BAZ1B: variants seen among roughly 807,000 people sequenced by gnomAD.
BAZ1B encodes bromodomain adjacent to zinc finger domain 1B, also known as tyrosine-protein kinase BAZ1B.
In BAZ1B, 22 loss-of-function variants were observed where a neutral mutation model predicts 153.8. That is an observed-to-expected ratio of 0.14 (90% CI 0.10 to 0.20). The LOEUF (loss-of-function observed/expected upper bound fraction) is 0.20. Among genes scored for constraint, BAZ1B ranks in the 10% least tolerant of loss-of-function variants. The probability of loss-of-function intolerance (pLI) is 1.00; values close to 1 mark genes in which losing one functional copy is unlikely to be tolerated. For synonymous variants in BAZ1B, 676 were observed against 633.4 expected (o/e 1.07, Z -1.01); for missense variants, 1,325 against 1,799.3 (o/e 0.74, Z 4.77).
chr7:73,467,548 T>C (rs1788641796), intron 9 of BAZ1B, among the ~76,000 whole-genome samples: 1 of 152,014 alleles, frequency 6.6e-6, no homozygotes, highest in African/African-American at 2.4e-5. Flanking sequence ...TTTTGTGTTT[T>C]TTGTAGAGAC....
At chr7:73,476,679 C>A (rs1287980123) in intron 7 of BAZ1B, among the ~76,000 whole-genome samples, 189 bp downstream of exon 7, 1 of 152,108 alleles carries the variant, frequency 6.6e-6, no homozygotes, top group Non-Finnish European at 1.5e-5. Context: ...GAATGCCAGG[C>A]TGAACACTCC....
In BAZ1B at chr7:73,492,916, T is replaced by C; in HGVS notation, c.577A>G (p.Arg193Gly). The change falls in exon 5 of 20, where the codon AGA (arginine) becomes GGA (glycine). Residue 193 changes from arginine (R) to glycine (G), a missense_variant. Around this residue, in one of 9 missense-constraint regions of BAZ1B, gnomAD observed 153 missense variants for 204.8 expected, o/e 0.75. Transcript: ENST00000339594. ...DEGRRESIND[R>G]ARRSPRKLPT... is the part of the protein sequence containing the mutation. ...AGTTTTCGTGGCGATCTACGTGCTCTGTCATCTAGTCAAATCATAGAAAAT... is the reference window on the plus strand; with the variant it reads ...AGTTTTCGTGGCGATCTACGTGCTCCGTCATCTAGTCAAATCATAGAAAAT... 6.3e-7 allele frequency: 1 copy of C among 1,595,972 alleles called. No homozygotes were observed. The highest frequency in any genetic ancestry group is 8.5e-7 in the Non-Finnish European group (1 of 1,175,374).
Position 73,494,010 on chromosome 7 carries a change from T to C in BAZ1B, c.572-1089A>G, listed in dbSNP as rs150123862. 1.8e-4 allele frequency among the ~76,000 whole-genome samples: 28 copies of C among 152,176 alleles called. No individual in the cohort carries two copies. The East Asian group carries it at 4.6e-3, about 25-fold the overall frequency. The stretch of plus-strand genomic sequence containing the variant: ...GGCCTTGTATACCATTTAAAGAGAT[T>C]AGAATTTGTCTTGCTAGCACTAGAG... On this transcript the variant is annotated intron_variant, in intron 4 of 19. Coordinates refer to ENST00000339594, the MANE Select transcript of BAZ1B (RefSeq NM_032408.4).
chr7:73,498,870 T>G (rs974798146), intron 3 of BAZ1B, among the ~76,000 whole-genome samples, 172 bp from the exon 4 acceptor site: 6 of 152,154 alleles, frequency 3.9e-5, no homozygotes, highest in African/African-American at 1.4e-4. Flanking sequence ...GACTTCTAGG[T>G]TGAAATATGA....
intron 4 of BAZ1B, among the ~76,000 whole-genome samples, chr7:73,496,524 G>A (rs1300696292): frequency 2.6e-5 from 4 of 152,122 alleles, no homozygotes; most frequent in Non-Finnish European, 4.4e-5. Flanking sequence ...ATACTCATGC[G>A]GAGGGAGACC....
chr7:73,476,443 C>T (rs1789004047), intron 7 of BAZ1B, among the ~76,000 whole-genome samples: 1 of 151,954 alleles, frequency 6.6e-6, no homozygotes, highest in Admixed American at 6.6e-5. Flanking sequence ...CTTCAAATAC[C>T]TTGTCAATCA....
chr7:73,508,180 C>A lies in BAZ1B; in HGVS notation c.369+147G>T, dbSNP rs1554578074. On this transcript the variant is annotated intron_variant, in intron 3 of 19. Transcript: ENST00000339594. ...AAAAAAACAAAACCAAGAAAACACACAAGTATTAACGTAAAGTATTAATAC... is the reference window on the plus strand; with the variant it reads ...AAAAAAACAAAACCAAGAAAACACAAAAGTATTAACGTAAAGTATTAATAC... 4 of 850,826 alleles carry A rather than the reference C, an allele frequency of 4.7e-6. No individual in the cohort carries two copies. In the East Asian group the frequency reaches 1.3e-4, roughly 27 times the overall value. The allele number at this position is 850,826 out of a possible 1,614,324, so 52.7% of individuals were successfully genotyped here.
chr7:73,508,221 ATAC>A (rs1790424299), intron 3 of BAZ1B, 103 bp downstream of exon 3: 1 of 1,208,686 alleles, frequency 8.3e-7, no homozygotes, highest in Non-Finnish European at 1.1e-6. Flanking sequence ...ATTAAATATA[ATAC>A]TAAATATAAC....
chr7:73,460,351 G>A (rs570984394), intron 12 of BAZ1B, among the ~76,000 whole-genome samples: 6 of 152,080 alleles, frequency 3.9e-5, no homozygotes, highest in South Asian at 2.1e-4. Flanking sequence ...CAATTTTAAC[G>A]CAAAGACACA....
At chr7:73,487,573 A>T (rs1789458596) in intron 6 of BAZ1B, among the ~76,000 whole-genome samples, 1 of 152,230 alleles carries the variant, frequency 6.6e-6, no homozygotes, top group Non-Finnish European at 1.5e-5. Flanking sequence ...ATTAGAAAAG[A>T]GGAAAATATT....
At position 73,508,318 on chromosome 7, in the gene BAZ1B, G is replaced by A; in HGVS notation, c.369+9C>T. On this transcript the variant is annotated intron_variant, in intron 3 of 19. Coordinates refer to ENST00000339594, the MANE Select transcript of BAZ1B (RefSeq NM_032408.4). ...TGGTAAGTCAAATCAGAAACGAACA[G>A]GCACTCACCTCGAAGTCACACTCTT... The A allele has an allele frequency of 6.2e-7, 1 of 1,612,036 alleles. No individual in the cohort carries two copies. Among genetic ancestry groups the A allele is most frequent in the South Asian group, 1.1e-5 (1 of 90,514 alleles).
rs1787657322 is a variant in BAZ1B at position 73,442,407 on chromosome 7, T to C, written c.4241A>G (p.Asn1414Ser). The C allele has an allele frequency of 6.2e-7, 1 of 1,614,184 alleles. No individual in the cohort carries two copies. The highest frequency in any genetic ancestry group is 8.5e-7 in the Non-Finnish European group (1 of 1,180,030). The change falls in exon 19 of 20, where the codon AAT (asparagine) becomes AGT (serine). Residue 1414 changes from asparagine (N) to serine (S), a missense_variant. Coordinates refer to ENST00000339594, the MANE Select transcript of BAZ1B (RefSeq NM_032408.4). ...GCCACGGCAGTTGTAAACCTCAGCA[T>C]TGGTAAACACTTGCTTCATGTCAGT... ...FLTDMKQVFTNAEVYNCRGSH... is the reference protein window; with the variant it reads ...FLTDMKQVFTSAEVYNCRGSH...
At chr7:73,475,031 T>C (rs1788946374) in intron 7 of BAZ1B, among the ~76,000 whole-genome samples, 1 of 152,144 alleles carries the variant, frequency 6.6e-6, no homozygotes, top group East Asian at 1.9e-4. Context: ...TGAGATACCA[T>C]TTCACACCCA....
At chr7:73,508,083 G>T (rs1554578055) in intron 3 of BAZ1B, among the ~76,000 whole-genome samples, 1 of 152,086 alleles carries the variant, frequency 6.6e-6, no homozygotes, top group African/African-American at 2.4e-5. Flanking sequence ...TTGAACACGG[G>T]AGAATGAGGT....
chr7:73,444,731 T>C (rs1787759294), intron 16 of BAZ1B, among the ~76,000 whole-genome samples: 3 of 152,214 alleles, frequency 2.0e-5, no homozygotes, highest in Non-Finnish European at 4.4e-5. Context: ...ATAAAGAATA[T>C]AGGCCGGGCG....
rs140219225 is a variant in BAZ1B at position 73,487,885 on chromosome 7, C to G, written c.891+1309G>C. On this transcript the variant is annotated intron_variant, in intron 6 of 19. Coordinates refer to ENST00000339594, the MANE Select transcript of BAZ1B (RefSeq NM_032408.4). ...AATTTAAAGAGCATAACAGAAGACA[C>G]CACTTATCTTGCTGGTCTAGAATAA... Among the ~76,000 whole-genome samples the G allele has an allele frequency of 2.0e-5, 3 of 152,282 alleles. No individual in the cohort carries two copies. In the East Asian group the frequency reaches 5.8e-4, roughly 29 times the overall value.
intron 7 of BAZ1B, 105 bp from the exon 8 acceptor site, chr7:73,470,588 C>A: frequency 7.5e-7 from 1 of 1,328,584 alleles, no homozygotes. Flanking sequence ...CAGTAGTTAT[C>A]AAATCTTAGT....
At chr7:73,504,431 A>T (rs1270612041) in intron 3 of BAZ1B, among the ~76,000 whole-genome samples, 1 of 152,126 alleles carries the variant, frequency 6.6e-6, no homozygotes, top group African/African-American at 2.4e-5. Flanking sequence ...TGGGAGGCCG[A>T]GGCGGGTGGA....
At chr7:73,481,590 G>T (rs1177875600) in intron 6 of BAZ1B, among the ~76,000 whole-genome samples, 1 of 150,900 alleles carries the variant, frequency 6.6e-6, no homozygotes, top group Non-Finnish European at 1.5e-5. Flanking sequence ...ATGGCTACAC[G>T]CAGAGGAAAA....
Sources: allele counts gnomAD v4.1 joint callset (sites outside exome capture counted in the v4.1 genomes callset), GRCh38; gene constraint gnomAD v4.1.1; regional missense constraint gnomAD v4.1.1; transcripts MANE v1.5; gene names NCBI Gene and HGNC (gene_info 2026-07-23, HGNC 2026-07-21).